DLG2: variants seen among roughly 807,000 people sequenced by gnomAD.
The protein encoded by DLG2 is discs large MAGUK scaffold protein 2.
Under a neutral mutation model 132.5 loss-of-function variants are expected in DLG2, and 45 were observed. That is an observed-to-expected ratio of 0.34 (90% CI 0.27 to 0.44). DLG2 has a LOEUF of 0.44. DLG2 is among the 20% of genes least tolerant of loss of function. The probability of loss-of-function intolerance (pLI) is 1.00; values close to 1 mark genes in which losing one functional copy is unlikely to be tolerated. For synonymous variants in DLG2, 424 were observed against 419.6 expected (o/e 1.01, Z -0.13); for missense variants, 1,045 against 1,196.9 (o/e 0.87, Z 1.87).
rs80139325 is a variant in DLG2 at position 85,204,067 on chromosome 11, G to A, written c.187-49416C>T. ...TGATAAAGTCCGTATATGACAAACC[G>A]ACAGCTAACAACATACTGAATGGGG... On this transcript the variant is annotated intron_variant, in intron 4 of 27. Coordinates refer to ENST00000376104, the MANE Select transcript of DLG2 (RefSeq NM_001142699.3). Among the ~76,000 whole-genome samples, 19 of 152,118 alleles carry A rather than the reference G, an allele frequency of 1.2e-4. No homozygotes were observed. The East Asian group carries it at 1.5e-3, about 12-fold the overall frequency.
intron 7 of DLG2, among the ~76,000 whole-genome samples, chr11:84,522,706 T>C (rs377177681): frequency 3.3e-5 from 5 of 152,320 alleles, no homozygotes; most frequent in African/African-American, 1.2e-4. Context: ...TTATATAAGA[T>C]TACATAAGTT....
At chr11:85,484,316 A>G (rs569612326) in intron 3 of DLG2, among the ~76,000 whole-genome samples, 2 of 145,458 alleles carry the variant, frequency 1.4e-5, no homozygotes, top group African/African-American at 5.1e-5. Flanking sequence ...CTAAAACACC[A>G]AAAGCAATGG....
chr11:83,668,984 G>T lies in DLG2; in HGVS notation c.1826-35659C>A, dbSNP rs190174160. 2.7e-3 allele frequency among the ~76,000 whole-genome samples: 405 copies of T among 151,900 alleles called. 3 individuals carry two copies. The highest frequency in any genetic ancestry group is 9.3e-3 in the African/African-American group (386 of 41,436). On this transcript the variant is annotated intron_variant, in intron 18 of 27. Coordinates refer to ENST00000376104, the MANE Select transcript of DLG2 (RefSeq NM_001142699.3). ...GCAATACATGTTTGCTGAGTTTAAT[G>T]AAATCTACAGGCAGCAAAAATTTCT...
In DLG2 at chr11:83,455,470, A is replaced by C. The variant is rs1426660689; in HGVS notation, c.*4348T>G. On this transcript the variant is annotated 3_prime_UTR_variant, in exon 28 of 28. Transcript: ENST00000376104. ...GGAGAGAAGAAAAGTCTGCCATCCC[A>C]TTGGGAGTCAACCTTGCCACTTGGT... The C allele has an allele frequency of 2.0e-5, 3 of 152,604 alleles. No individual in the cohort carries two copies. The highest frequency in any genetic ancestry group is 2.0e-4 in the Admixed American group (3 of 15,284). The allele number at this position is 152,604 out of a possible 1,614,324, so 9.5% of individuals were successfully genotyped here. A position where few individuals can be genotyped will look rare whatever the true frequency, so the allele number is the denominator to read the frequency against.
At chr11:83,942,802 C>CA (rs1447308116) in intron 14 of DLG2, among the ~76,000 whole-genome samples, 7 of 152,182 alleles carry the variant, frequency 4.6e-5, no homozygotes, top group Admixed American at 2.0e-4. Context: ...ACCACACACA[C>CA]AAAAAAGGTA....
intron 14 of DLG2, among the ~76,000 whole-genome samples, chr11:83,935,399 A>T (rs1368433179): frequency 1.3e-5 from 2 of 152,234 alleles, no homozygotes; most frequent in East Asian, 3.8e-4. Context: ...GAGAATTAGT[A>T]TCAGGCTGTG....
intron 6 of DLG2, among the ~76,000 whole-genome samples, chr11:84,982,944 A>G (rs1412572619): frequency 1.3e-5 from 2 of 152,188 alleles, no homozygotes; most frequent in Admixed American, 6.5e-5. Flanking sequence ...GAAGAAATCT[A>G]AGGAAAACCT....
At chr11:84,837,718 G>A (rs2080010426) in intron 6 of DLG2, among the ~76,000 whole-genome samples, 1 of 151,742 alleles carries the variant, frequency 6.6e-6, no homozygotes, top group South Asian at 2.1e-4. Context: ...GCATTCAAGG[G>A]AGCCCCAATA....
At chr11:83,576,180 T>C (rs1479074650) in intron 19 of DLG2, among the ~76,000 whole-genome samples, 1 of 152,036 alleles carries the variant, frequency 6.6e-6, no homozygotes, top group Non-Finnish European at 1.5e-5. Flanking sequence ...ATAAAATACA[T>C]AGCAATGGAA....
chr11:85,259,325 T>C (rs566701396), intron 4 of DLG2, among the ~76,000 whole-genome samples: 6 of 152,252 alleles, frequency 3.9e-5, no homozygotes, highest in South Asian at 2.1e-4. Context: ...CCTTCCACCA[T>C]GATTGTAAGT....
At chr11:85,543,259 A>G (rs1001031167) in intron 3 of DLG2, among the ~76,000 whole-genome samples, 3 of 152,126 alleles carry the variant, frequency 2.0e-5, no homozygotes, top group Non-Finnish European at 4.4e-5. Context: ...TTCCTGTGTT[A>G]GTTTGCTAAG....
intron 6 of DLG2, among the ~76,000 whole-genome samples, chr11:84,681,054 C>G (rs987076224): frequency 2.8e-4 from 43 of 152,218 alleles, no homozygotes; most frequent in African/African-American, 1.0e-3. Context: ...ATTAGAACAG[C>G]ACTGCATATC....
chr11:84,543,500 T>G (rs1360928477), intron 6 of DLG2, among the ~76,000 whole-genome samples: 4 of 152,144 alleles, frequency 2.6e-5, no homozygotes, highest in African/African-American at 9.7e-5. Flanking sequence ...CGCTGGATGT[T>G]TGTCTCCTCC....
intron 18 of DLG2, among the ~76,000 whole-genome samples, chr11:83,734,983 G>T (rs905624189): frequency 2.0e-5 from 3 of 152,032 alleles, no homozygotes; most frequent in African/African-American, 7.3e-5. Context: ...ACTTGTTATA[G>T]GTATTAGCCT....
chr11:85,331,383 C>T (rs940923921), intron 3 of DLG2, among the ~76,000 whole-genome samples: 2 of 152,266 alleles, frequency 1.3e-5, no homozygotes, highest in Non-Finnish European at 2.9e-5. Flanking sequence ...AATCATTTAA[C>T]TTCTTTTTGT....
At chr11:83,980,957 G>A (rs1254476409) in intron 11 of DLG2, among the ~76,000 whole-genome samples, 2 of 152,158 alleles carry the variant, frequency 1.3e-5, no homozygotes, top group Admixed American at 6.6e-5. Flanking sequence ...TCAGGTGAAG[G>A]GTGTGGAGGA....
chr11:84,155,051 C>T (rs1012586397), intron 9 of DLG2, among the ~76,000 whole-genome samples: 1 of 152,160 alleles, frequency 6.6e-6, no homozygotes, highest in African/African-American at 2.4e-5. Flanking sequence ...CTACAAAGAA[C>T]TCATACAAAT....
chr11:83,586,539 T>A (rs567246854), intron 19 of DLG2, among the ~76,000 whole-genome samples: 2 of 152,318 alleles, frequency 1.3e-5, no homozygotes, highest in Non-Finnish European at 2.9e-5. Flanking sequence ...TCTTTAAAAC[T>A]ATCATTTTCT....
At chr11:85,607,376 C>A (rs2080645662) in intron 2 of DLG2, among the ~76,000 whole-genome samples, 1 of 152,172 alleles carries the variant, frequency 6.6e-6, no homozygotes. Flanking sequence ...AGGGTCCCGA[C>A]AACAAGTTGG....
Sources: gnomAD v4.1 joint callset for allele counts (sites outside exome capture counted in the v4.1 genomes callset) on GRCh38, gnomAD v4.1.1 for gene constraint, MANE v1.5 for transcripts, NCBI Gene and HGNC (gene_info 2026-07-23, HGNC 2026-07-21) for gene names.